The following LRRC43 variants were observed in gnomAD, a reference collection of about 807,000 sequenced individuals.
LRRC43 encodes leucine rich repeat containing 43.
LRRC43 carries 62 observed loss-of-function variants against 64.3 expected under a neutral mutation model. The observed-to-expected ratio is 0.96, with a 90% CI of 0.79 to 1.19. LRRC43 has a LOEUF of 1.19. LRRC43 is among the 50% of genes most tolerant of loss of function. LRRC43 has a pLI of 0.00. For missense variants in LRRC43, 868 were observed against 845.0 expected, an observed-to-expected ratio of 1.03 and a Z score of -0.34; for synonymous variants, 422 against 382.3, an observed-to-expected ratio of 1.10 and a Z score of -1.21.
intron 11 of LRRC43, among the ~76,000 whole-genome samples, chr12:122,202,997 A>T (rs1042983382): frequency 1.3e-5 from 2 of 152,138 alleles, no homozygotes; most frequent in African/African-American, 2.4e-5. Context: ...AGGCTGACGC[A>T]GGAGAATCGC....
At position 122,203,301 on chromosome 12, in the gene LRRC43, T is replaced by A; in HGVS notation, c.1844-14T>A. ...CGTCTCCCGGGGCTCATGCTCGCACTTAAATTTTCTCAGAAAAGCCGAAAG... is the reference window on the plus strand; with the variant it reads ...CGTCTCCCGGGGCTCATGCTCGCACATAAATTTTCTCAGAAAAGCCGAAAG... On this transcript the variant is annotated splice_polypyrimidine_tract_variant and intron_variant, in intron 11 of 11. Transcript: ENST00000339777. 6.2e-7 allele frequency: 1 copy of A among 1,609,590 alleles called. No homozygotes were observed. The highest frequency in any genetic ancestry group is 1.7e-5 in the Admixed American group (1 of 59,910).
chr12:122,190,500 A>G (rs1318271008), intron 5 of LRRC43, 132 bp downstream of exon 5: 8 of 679,250 alleles, frequency 1.2e-5, no homozygotes, highest in Non-Finnish European at 2.0e-5. Context: ...CTATTCAGGT[A>G]TAGCCTCTCT....
chr12:122,199,043 T>C lies in LRRC43; in HGVS notation c.1350-1146T>C, dbSNP rs1051004833. On this transcript the variant is annotated intron_variant, in intron 7 of 11. Transcript: ENST00000339777. ...AGCAGGCTGGAGTGCAGTGGCGCGA[T>C]CTCGGCTCACTGCAACCTCCACCTC... 3.3e-5 allele frequency among the ~76,000 whole-genome samples: 5 copies of C among 151,352 alleles called. No homozygotes were observed. The South Asian group carries it at 1.0e-3, about 32-fold the overall frequency.
chr12:122,200,571 C>A lies in LRRC43; in HGVS notation c.1531C>A (p.Pro511Thr), dbSNP rs1252297377. The A allele has an allele frequency of 1.9e-6, 3 of 1,561,420 alleles. No homozygotes were observed. Among genetic ancestry groups the A allele is most frequent in the Non-Finnish European group, 1.8e-6 (2 of 1,132,166 alleles). ...TGTGGTGCTACCTGCTGTTGACAGT[C>A]CCCTGTCTGCCAAGAAAGGAAAGGG... The part of the protein sequence containing the change: ...WPVVLPAVDS[P>T]LSAKKGKGEK... The change falls in exon 9 of 12, where the codon CCC (proline) becomes ACC (threonine). Residue 511 changes from proline to threonine, a missense_variant. Transcript: ENST00000339777. This position sits in a 1 kb window ranked among gnomAD's most constrained non-coding sequence, Gnocchi z 4.6.
intron 7 of LRRC43, among the ~76,000 whole-genome samples, chr12:122,193,335 C>T (rs1472694455): frequency 2.2e-5 from 3 of 137,430 alleles, no homozygotes; most frequent in Admixed American, 1.6e-4. Context: ...GAGCCGAGAT[C>T]GTGCCACTGC....
chr12:122,185,075 G>A (rs1953627845), intron 2 of LRRC43, among the ~76,000 whole-genome samples: 1 of 152,212 alleles, frequency 6.6e-6, no homozygotes, highest in Admixed American at 6.5e-5. Context: ...TGAAGGGTCT[G>A]TGTTAGTTTT....
At chr12:122,169,715 CAAAAAAAA>C (rs1156784202) in intron 1 of LRRC43, among the ~76,000 whole-genome samples, 2 of 49,424 alleles carry the variant, frequency 4.0e-5, no homozygotes, top group Admixed American at 2.3e-4. Flanking sequence ...GACTCCGTCT[CAAAAAAAA>C]AAAAAAAAAA....
chr12:122,172,852 T>A, intron 1 of LRRC43: 1 of 834,668 alleles, frequency 1.2e-6, no homozygotes, highest in Non-Finnish European at 1.9e-6. Context: ...TATATTTATC[T>A]GATCAATGTC....
At chr12:122,187,014 G>A (rs942565712) in intron 3 of LRRC43, among the ~76,000 whole-genome samples, 1 of 152,058 alleles carries the variant, frequency 6.6e-6, no homozygotes, top group Non-Finnish European at 1.5e-5. Context: ...TGGGCAGATT[G>A]CCTGTTCTCA....
chr12:122,172,855 T>C (rs1953501442), intron 1 of LRRC43: 1 of 815,014 alleles, frequency 1.2e-6, no homozygotes, highest in African/African-American at 1.7e-5. Context: ...ATTTATCTGA[T>C]CAATGTCACA....
intron 7 of LRRC43, among the ~76,000 whole-genome samples, chr12:122,194,307 C>T (rs1953752710): frequency 1.3e-5 from 2 of 151,436 alleles, no homozygotes; most frequent in South Asian, 2.1e-4. Context: ...TGTTGTGGCT[C>T]ATGCCTGTAA....
chr12:122,203,394 G>C lies in LRRC43; in HGVS notation c.1923G>C (p.Leu641=). The part of the protein sequence containing the change: ...EPLTVEVQIQ[L]NQCRSAEEAL... The stretch of plus-strand genomic sequence containing the variant: ...TGACCGTAGAGGTGCAGATCCAGCT[G>C]AACCAGTGCCGCTCGGCGGAGGAGG... The change falls in exon 12 of 12, where the codon CTG becomes CTC. Residue 641 remains leucine (L), a synonymous_variant. Transcript: ENST00000339777. 2 of 1,612,852 alleles carry C rather than the reference G, an allele frequency of 1.2e-6. No individual in the cohort carries two copies. The highest frequency in any genetic ancestry group is 1.7e-6 in the Non-Finnish European group (2 of 1,179,752).
At chr12:122,189,419 T>G (rs1306762061) in intron 4 of LRRC43, 1 of 456,486 alleles carries the variant, frequency 2.2e-6, no homozygotes, top group African/African-American at 2.0e-5. Flanking sequence ...AGGGGAAGAG[T>G]GAGGCTGGGA....
In LRRC43 at chr12:122,190,293, C is replaced by T. The variant is rs776512672; in HGVS notation, c.826C>T (p.Gln276Ter). 9.9e-6 allele frequency: 16 copies of T among 1,614,138 alleles called. No homozygotes were observed. Among genetic ancestry groups the T allele is most frequent in the Non-Finnish European group, 1.4e-5 (16 of 1,180,030 alleles). The change falls in exon 5 of 12, where the codon CAG becomes TAG. Residue 276 changes from glutamine (Q) to a stop codon, truncating the protein, a stop_gained. Coordinates refer to ENST00000339777, the MANE Select transcript of LRRC43 (RefSeq NM_001098519.2). LOFTEE classifies it high-confidence loss of function. ...YRGLTIDSLA[Q>*]LCVLDDITVS... The stretch of plus-strand genomic sequence containing the variant: ...CGGCCTCACCATCGACAGCCTGGCC[C>T]AGCTCTGCGTGCTGGACGACATCAC...
Position 122,176,386 on chromosome 12 carries a change from G to A in LRRC43, c.-405-8133G>A, listed in dbSNP as rs138531713. 3.2e-3 allele frequency among the ~76,000 whole-genome samples: 481 copies of A among 152,208 alleles called. 4 individuals are homozygous for A. Among genetic ancestry groups the A allele is most frequent in the African/African-American group, 0.011 (454 of 41,524 alleles). On this transcript the variant is annotated intron_variant, in intron 1 of 5. Transcript: ENST00000537729. ...GGAGGGTAGTGGGGAGGTGGGCAGC[G>A]GCTCCATCACAGAGGCCTGAGGCTG...
chr12:122,191,690 T>C (rs1953720884), intron 6 of LRRC43, 123 bp downstream of exon 6: 3 of 773,328 alleles, frequency 3.9e-6, no homozygotes, highest in African/African-American at 1.8e-5. Context: ...AGTCTCGCTC[T>C]GTCACCCAGG....
At chr12:122,176,127 G>A (rs187726126) in intron 1 of LRRC43, among the ~76,000 whole-genome samples, 62 of 152,308 alleles carry the variant, frequency 4.1e-4, no homozygotes, top group African/African-American at 1.4e-3. Flanking sequence ...GCACTGTGAC[G>A]GTTGGAGAGT....
chr12:122,198,606 G>C (rs1056656221), intron 7 of LRRC43, among the ~76,000 whole-genome samples: 1 of 144,640 alleles, frequency 6.9e-6, no homozygotes, highest in Non-Finnish European at 1.5e-5. Flanking sequence ...GGTGTAATAA[G>C]TATCAGTGCT....
intron 1 of LRRC43, among the ~76,000 whole-genome samples, chr12:122,173,011 G>C (rs1001761841): frequency 3.3e-5 from 5 of 152,124 alleles, no homozygotes; most frequent in African/African-American, 7.2e-5. Flanking sequence ...ACGTGCTCAG[G>C]GTGGTGGGAA....
Sources: allele counts gnomAD v4.1 joint callset (sites outside exome capture counted in the v4.1 genomes callset), GRCh38; gene constraint gnomAD v4.1.1; non-coding constraint Gnocchi (gnomAD v3.1); transcripts MANE v1.5; gene names NCBI Gene and HGNC (gene_info 2026-07-23, HGNC 2026-07-21).